Variants in SETD1B observed in about 807,000 individuals in gnomAD.
SETD1B encodes the protein SET domain containing 1B, histone lysine methyltransferase.
In SETD1B, 7 loss-of-function variants were observed where a neutral mutation model predicts 148.0. That is an observed-to-expected ratio of 0.05 (90% confidence interval 0.03 to 0.09). The LOEUF is 0.09. Ranked by LOEUF, SETD1B falls within the 10% of genes least tolerant of loss-of-function variation. The pLI is 1.00. For synonymous variants in SETD1B, 1,361 were observed against 1,186.5 expected (o/e 1.15, Z -3.02); for missense variants, 2,155 against 2,729.9 (o/e 0.79, Z 4.69).
Position 121,831,143 on chromosome 12 carries a change from G to A in SETD1B, c.*904G>A, listed in dbSNP as rs1877074904. ...CTCTTCTGCCCTTGCCTTCGCCCTG[G>A]GTGGGACAGGGCTCCCAAGGGCAGG... is the stretch of plus-strand genomic sequence containing the variant. On this transcript the variant is annotated 3_prime_UTR_variant, in exon 17 of 17. Coordinates refer to ENST00000604567, the MANE Select transcript of SETD1B (RefSeq NM_001353345.2). 6.6e-6 allele frequency: 1 copy of A among 152,172 alleles called. No homozygotes were observed. Among genetic ancestry groups the A allele is most frequent in the African/African-American group, 2.4e-5 (1 of 41,440 alleles). The allele number at this position is 152,172 out of a possible 1,614,324, so 9.4% of individuals were successfully genotyped here.
At position 121,822,759 on chromosome 12, in the gene SETD1B, A is replaced by G. The variant is rs1395931720; in HGVS notation, c.4180A>G (p.Ser1394Gly). 32 of 1,517,312 alleles carry G rather than the reference A, an allele frequency of 2.1e-5. No homozygotes were observed. Among genetic ancestry groups the G allele is most frequent in the Non-Finnish European group, 2.5e-5 (28 of 1,125,560 alleles). The allele number at this position is 1,517,312 out of a possible 1,614,324, so 94.0% of individuals were successfully genotyped here. The change falls in exon 12 of 17, where the codon AGT becomes GGT. Residue 1394 changes from serine to glycine, a missense_variant. This residue lies in a region of SETD1B where 862 missense variants were observed against 873.8 expected (regional missense o/e 0.99). Coordinates refer to ENST00000604567, the MANE Select transcript of SETD1B (RefSeq NM_001353345.2). ...GGAGCCCCCGCTATCAGGGGGCAGC[A>G]GTGGCCTGTCCCTGAGCTCTCCGCA... ...GGEPPLSGGS[S>G]GLSLSSPQVP... is the part of the protein sequence containing the mutation.
At position 121,822,925 on chromosome 12, in the gene SETD1B, C is replaced by A; in HGVS notation, c.4346C>A (p.Pro1449Gln). Residue 1449 changes from proline to glutamine, a missense_variant, in exon 12 of 17, where the codon CCA becomes CAA. Transcript: ENST00000604567. ...PSGPLLLPVC[P>Q]LPTGRRDERS... is the part of the protein sequence containing the mutation. ...GGGCCCTTGCTCCTGCCCGTCTGCC[C>A]ACTCCCCACTGGCCGACGCGATGAA... 1.3e-6 allele frequency: 2 copies of A among 1,524,286 alleles called. No individual in the cohort carries two copies. The highest frequency in any genetic ancestry group is 1.2e-5 in the South Asian group (1 of 80,440). 94.4% of individuals were successfully genotyped at this position (1,524,286 alleles called of 1,614,324 possible). A position where few individuals can be genotyped will look rare whatever the true frequency, so the allele number is the denominator to read the frequency against.
chr12:121,816,924 C>T (rs1876317354), intron 7 of SETD1B, 109 bp from the exon 8 acceptor site: 2 of 967,960 alleles, frequency 2.1e-6, no homozygotes, highest in South Asian at 1.7e-5. Flanking sequence ...GATGCAGTTA[C>T]CTGTGGTGGC....
At chr12:121,824,171 C>T (rs1301396815) in intron 12 of SETD1B, among the ~76,000 whole-genome samples, 1 of 152,196 alleles carries the variant, frequency 6.6e-6, no homozygotes, top group Non-Finnish European at 1.5e-5. Flanking sequence ...GTGACCTGTC[C>T]AAAGACACAG....
At chr12:121,797,210 A>T in the SETD1B span, 1 of 355,808 alleles carries the variant, frequency 2.8e-6, no homozygotes, top group South Asian at 2.1e-5. Context: ...CCGAAAGGTC[A>T]TGTTCCACGC....
At position 121,830,935 on chromosome 12, in the gene SETD1B, C is replaced by A; in HGVS notation, c.*696C>A. 6.6e-6 allele frequency: 1 copy of A among 152,616 alleles called. No homozygotes were observed. The allele number at this position is 152,616 out of a possible 1,614,324, so 9.5% of individuals were successfully genotyped here. A position where few individuals can be genotyped will look rare whatever the true frequency, so the allele number is the denominator to read the frequency against. On this transcript the variant is annotated 3_prime_UTR_variant, in exon 17 of 17. Transcript: ENST00000604567. The surrounding 1 kb of genome is among the most constrained non-coding windows in gnomAD (Gnocchi z 5.7). ...CCTGGGGCACCACTGACCCGGTGGA[C>A]CCTGATGGAGCTAAGCTGTCCCAGG... is the stretch of plus-strand genomic sequence containing the variant.
At chr12:121,818,567 A>G (rs1876408854) in intron 10 of SETD1B, among the ~76,000 whole-genome samples, 1 of 150,720 alleles carries the variant, frequency 6.6e-6, no homozygotes, top group African/African-American at 2.5e-5. Context: ...CACCTCAAAA[A>G]AAATAATAAA....
chr12:121,795,796 T>TGTCC, the SETD1B span: 3 of 152,676 alleles, frequency 2.0e-5, no homozygotes, highest in Admixed American at 2.0e-4. Flanking sequence ...GGCTCCTGAC[T>TGTCC]GTCCTCAAAA....
chr12:121,806,656 C>G (rs1319588476), intron 4 of SETD1B, among the ~76,000 whole-genome samples: 2 of 152,168 alleles, frequency 1.3e-5, no homozygotes, highest in Non-Finnish European at 2.9e-5. Flanking sequence ...ACAGAGCCGC[C>G]GGGGAAGAGC....
At position 121,804,826 on chromosome 12, in the gene SETD1B, G is replaced by A. The variant is rs752819288; in HGVS notation, c.89G>A (p.Arg30Lys). The A allele has an allele frequency of 8.4e-6, 13 of 1,550,872 alleles. No homozygotes were observed. The South Asian group carries it at 1.3e-4, about 16-fold the overall frequency. Reference protein sequence around the residue: ...PSGERRNHHWRSYKLMIDPAL... With the variant: ...PSGERRNHHWKSYKLMIDPAL... ...GGCGAGAGGAGGAACCACCATTGGA[G>A]AAGTTACAAGTTGATGATTGACCCG... is the stretch of plus-strand genomic sequence containing the variant. The change falls in exon 2 of 17, where the codon AGA (arginine) becomes AAA (lysine). Residue 30 changes from arginine (R) to lysine (K), a missense_variant. Transcript: ENST00000604567. This position sits in a 1 kb window ranked among gnomAD's most constrained non-coding sequence, Gnocchi z 4.6.
At chr12:121,790,447 T>A in the SETD1B span, among the ~76,000 whole-genome samples, 1 of 152,260 alleles carries the variant, frequency 6.6e-6, no homozygotes, top group Non-Finnish European at 1.5e-5. Flanking sequence ...CCTGTTCTCC[T>A]GAGAGCCGTC....
Position 121,822,656 on chromosome 12 carries a change from C to A in SETD1B, c.4077C>A (p.His1359Gln), listed in dbSNP as rs374510760. 3.2e-4 allele frequency: 497 copies of A among 1,550,334 alleles called. 2 individuals are homozygous for A. In the African/African-American group the frequency reaches 6.2e-3, roughly 19 times the overall value. ...CTCCGGAGCCCCTTGCCGAGGACCA[C>A]CCCCCGCATACTCCAGGCCTCTGTG... ...SVPPEPLAED[H>Q]PPHTPGLCGS... Residue 1359 changes from histidine to glutamine, a missense_variant, in exon 12 of 17, where the codon CAC (histidine) becomes CAA (glutamine). Around this residue, in one of 11 missense-constraint regions of SETD1B, gnomAD observed 862 missense variants for 873.8 expected, o/e 0.99. Transcript: ENST00000604567.
chr12:121,824,061 C>T (rs1876719931), intron 12 of SETD1B, among the ~76,000 whole-genome samples: 1 of 152,248 alleles, frequency 6.6e-6, no homozygotes, highest in African/African-American at 2.4e-5. Flanking sequence ...CCTCCTTGTC[C>T]TGTCCCCTTC....
At chr12:121,795,435 A>G in the SETD1B span, 1 of 152,100 alleles carries the variant, frequency 6.6e-6, no homozygotes, top group Admixed American at 6.6e-5. Flanking sequence ...GCAGGCAGGG[A>G]AAGTAGGGTG....
chr12:121,816,535 C>A (rs2137565075), intron 7 of SETD1B, among the ~76,000 whole-genome samples: 1 of 152,352 alleles, frequency 6.6e-6, no homozygotes, highest in Non-Finnish European at 1.5e-5. Context: ...GCCTCATGTG[C>A]CCTGCACCTT....
At chr12:121,798,933 G>A in the SETD1B span, among the ~76,000 whole-genome samples, 1 of 152,236 alleles carries the variant, frequency 6.6e-6, no homozygotes, top group East Asian at 1.9e-4. Flanking sequence ...AGCGTGGAAC[G>A]TGGCACTTCT....
At chr12:121,807,825 C>T (rs1486542649) in intron 4 of SETD1B, among the ~76,000 whole-genome samples, 1 of 151,600 alleles carries the variant, frequency 6.6e-6, no homozygotes, top group Non-Finnish European at 1.5e-5. Flanking sequence ...GCTTCCCTTC[C>T]TCTTACTGCA....
In SETD1B at chr12:121,804,593, A is replaced by G; in HGVS notation, c.-14-131A>G. ...TCTTGTTTTGGGGGGAGCCAGCGAG[A>G]CAGCTCCTTTCGGGGCGCGCTGGCA... On this transcript the variant is annotated intron_variant, in intron 1 of 16. Transcript: ENST00000604567. The surrounding 1 kb of genome is among the most constrained non-coding windows in gnomAD (Gnocchi z 4.6). The G allele has an allele frequency of 4.2e-6, 3 of 710,188 alleles. No homozygotes were observed. Among genetic ancestry groups the G allele is most frequent in the Non-Finnish European group, 6.9e-6 (3 of 435,452 alleles). 44.0% of individuals were successfully genotyped at this position (710,188 alleles called of 1,614,324 possible).
chr12:121,813,060 G>C (rs1876117025), intron 6 of SETD1B, among the ~76,000 whole-genome samples: 1 of 150,800 alleles, frequency 6.6e-6, no homozygotes, highest in Admixed American at 6.6e-5. Flanking sequence ...CCTCACCACC[G>C]CCCTGGATCC....
Sources: gnomAD v4.1 joint callset for allele counts (sites outside exome capture counted in the v4.1 genomes callset) on GRCh38, gnomAD v4.1.1 for gene constraint, gnomAD v4.1.1 regional missense constraint, Gnocchi (gnomAD v3.1) non-coding constraint, MANE v1.5 for transcripts, NCBI Gene and HGNC (gene_info 2026-07-23, HGNC 2026-07-21) for gene names.